The following ZNF180 variants were observed in gnomAD, a reference collection of about 807,000 sequenced individuals.
ZNF180 encodes zinc finger protein 180 (HHZ168).
Under a neutral mutation model 11.8 loss-of-function variants are expected in ZNF180, and 11 were observed. That is an observed-to-expected ratio of 0.93 (90% CI 0.59 to 1.55). ZNF180 has a LOEUF of 1.55. Among genes scored for constraint, ZNF180 ranks in the 40% most tolerant of loss-of-function variants. ZNF180 has a pLI of 0.00. For missense variants in ZNF180, 773 were observed against 781.7 expected, an observed-to-expected ratio of 0.99 and a Z score of 0.13; for synonymous variants, 287 against 257.7, an observed-to-expected ratio of 1.11 and a Z score of -1.09.
Position 44,478,062 on chromosome 19 carries a change from T to C in ZNF180, c.338A>G (p.Glu113Gly), listed in dbSNP as rs1457687224. Residue 113 changes from glutamate (E) to glycine (G), a missense_variant, in exon 5 of 5, where the codon GAA becomes GGA. By Grantham distance (98) the Glu-to-Gly change is moderately conservative (BLOSUM62 -2). Transcript: ENST00000592529. ...CCAAGGATCATCCCTTGTAAACCTT[T>C]CTATCTTCACTCCATTAGCTGGTTC... Reference protein sequence around the residue: ...DEEPANGVKIERFTRDDPWLS... With the variant: ...DEEPANGVKIGRFTRDDPWLS... The C allele has an allele frequency of 1.2e-6, 2 of 1,613,440 alleles. No homozygotes were observed. The highest frequency in any genetic ancestry group is 8.5e-7 in the Non-Finnish European group (1 of 1,179,552).
At position 44,484,230 on chromosome 19, in the gene ZNF180, C is replaced by A. The variant is rs1970160894; in HGVS notation, c.126+131G>T. 4.9e-5 allele frequency: 35 copies of A among 716,534 alleles called. No homozygotes were observed. In the South Asian group the frequency reaches 5.1e-4, roughly 10 times the overall value. 44.4% of individuals were successfully genotyped at this position (716,534 alleles called of 1,614,324 possible). A position where few individuals can be genotyped will look rare whatever the true frequency, so the allele number is the denominator to read the frequency against. On this transcript the variant is annotated intron_variant, in intron 3 of 4. Coordinates refer to ENST00000592529, the MANE Select transcript of ZNF180 (RefSeq NM_001278509.3). Reference sequence around the variant, plus strand: ...AGCCAGGATGGTCTCGATCTCCTGACCTCATGATCTGCCCGCCTCAGCCTC... The same window carrying A: ...AGCCAGGATGGTCTCGATCTCCTGAACTCATGATCTGCCCGCCTCAGCCTC...
At chr19:44,479,473 G>A in intron 3 of ZNF180, 64 bp from the exon 4 acceptor site, 12 of 1,599,632 alleles carry the variant, frequency 7.5e-6, no homozygotes, top group Non-Finnish European at 1.0e-5. Context: ...CATGGAGGAG[G>A]AAAAGTCTGA....
chr19:44,486,287 G>T (rs1970227012), intron 2 of ZNF180, among the ~76,000 whole-genome samples: 1 of 152,196 alleles, frequency 6.6e-6, no homozygotes, highest in Non-Finnish European at 1.5e-5. Context: ...GCATTAAAAG[G>T]AGTTATTCTT....
intron 2 of ZNF180, chr19:44,484,641 C>G: frequency 1.7e-6 from 1 of 583,862 alleles, no homozygotes; most frequent in Non-Finnish European, 3.1e-6. Flanking sequence ...CACCAAGGCC[C>G]ACAGATACCT....
chr19:44,488,962 G>T lies in ZNF180; in HGVS notation c.52-4527C>A, dbSNP rs577298942. Among the ~76,000 whole-genome samples, 12 of 150,510 alleles carry T rather than the reference G, an allele frequency of 8.0e-5. No homozygotes were observed. In the East Asian group the frequency reaches 2.4e-3, roughly 30 times the overall value. ...AGCCCCTCCGCCCGGCAGCCGCCCC[G>T]TCTGAGAAGTGAGGAGCCCCTCCGC... On this transcript the variant is annotated intron_variant, in intron 2 of 4. Transcript: ENST00000592529.
At chr19:44,481,866 C>T (rs1970089376) in intron 3 of ZNF180, among the ~76,000 whole-genome samples, 1 of 152,122 alleles carries the variant, frequency 6.6e-6, no homozygotes, top group African/African-American at 2.4e-5. Context: ...TACCACATAC[C>T]CATTTGAAAA....
intron 2 of ZNF180, among the ~76,000 whole-genome samples, chr19:44,488,230 CT>C (rs1970296078): frequency 9.5e-6 from 1 of 105,248 alleles, no homozygotes; most frequent in Non-Finnish European, 2.0e-5. Flanking sequence ...CCCTCTCCCT[CT>C]CCCTCTCTTT....
intron 2 of ZNF180, among the ~76,000 whole-genome samples, chr19:44,485,637 G>A (rs1464099606): frequency 1.3e-5 from 2 of 152,154 alleles, no homozygotes; most frequent in Non-Finnish European, 2.9e-5. Flanking sequence ...ATTCTTAGAA[G>A]AAGTATAAAT....
At chr19:44,499,420 C>T (rs1325608917) in intron 1 of ZNF180, among the ~76,000 whole-genome samples, 1 of 152,220 alleles carries the variant, frequency 6.6e-6, no homozygotes, top group Non-Finnish European at 1.5e-5. Flanking sequence ...TGCTTCCTCC[C>T]CAGCTACCAA....
rs1024041523 is a variant in ZNF180 at position 44,489,815 on chromosome 19, C to T, written c.52-5380G>A. Among the ~76,000 whole-genome samples, 5 of 78,478 alleles carry T rather than the reference C, an allele frequency of 6.4e-5. 1 individual carries two copies. In the Admixed American group the frequency reaches 6.7e-4, roughly 10 times the overall value. 51.5% of individuals were successfully genotyped at this position (78,478 alleles called of 152,430 possible). On this transcript the variant is annotated intron_variant, in intron 2 of 4. Transcript: ENST00000592529. ...AAATAAATAAATAAATAAACTTGAC[C>T]GAAAGAAAAGAAAGAAAAGAAGAGA...
intron 3 of ZNF180, among the ~76,000 whole-genome samples, chr19:44,481,847 C>G (rs1462741725): frequency 6.6e-6 from 1 of 152,184 alleles, no homozygotes; most frequent in Non-Finnish European, 1.5e-5. Flanking sequence ...ACCTGAATCT[C>G]ACAAGCTGTA....
chr19:44,499,062 T>C (rs1970664720), intron 1 of ZNF180, among the ~76,000 whole-genome samples: 1 of 152,196 alleles, frequency 6.6e-6, no homozygotes, highest in Non-Finnish European at 1.5e-5. Flanking sequence ...CCACAGCCTC[T>C]GTGTAGGTTC....
At position 44,488,162 on chromosome 19, in the gene ZNF180, CACGGTCTCCCTCTCCT is replaced by C. The variant is rs1970289620; in HGVS notation, c.52-3743_52-3728del. ...CACGGTCTCCCTCTCCCTCTCTTTC[CACGGTCTCCCTCTCCT>C]TCTCTTTCCACGGTCTCCCTCTCCC... On this transcript the variant is annotated intron_variant, in intron 2 of 4. Transcript: ENST00000592529. 1.0e-3 allele frequency among the ~76,000 whole-genome samples: 96 copies of C among 91,976 alleles called. 1 individual carries two copies. Among genetic ancestry groups the C allele is most frequent in the African/African-American group, 3.6e-3 (79 of 21,694 alleles). 60.3% of individuals were successfully genotyped at this position (91,976 alleles called of 152,430 possible).
rs143201368 is a variant in ZNF180 at position 44,494,094 on chromosome 19, T to C, written c.51+3190A>G. On this transcript the variant is annotated intron_variant, in intron 2 of 4. Transcript: ENST00000592529. ...GATAACTAATACAACAAACAGGATG[T>C]TTTTGCTTTCCCTATGTAGCCTTGG... Among the ~76,000 whole-genome samples the C allele has an allele frequency of 4.0e-3, 611 of 152,284 alleles. 6 individuals are homozygous for C. Among genetic ancestry groups the C allele is most frequent in the African/African-American group, 0.014 (584 of 41,564 alleles).
intron 2 of ZNF180, among the ~76,000 whole-genome samples, chr19:44,496,861 T>C (rs1970601792): frequency 6.6e-6 from 1 of 152,180 alleles, no homozygotes; most frequent in African/African-American, 2.4e-5. Flanking sequence ...GCAATTTACT[T>C]AACATAGGTA....
In ZNF180 at chr19:44,476,282, G is replaced by A; in HGVS notation, c.*120C>T. 1 of 967,592 alleles carries A rather than the reference G, an allele frequency of 1.0e-6. No homozygotes were observed. The allele number at this position is 967,592 out of a possible 1,614,324, so 59.9% of individuals were successfully genotyped here. A position where few individuals can be genotyped will look rare whatever the true frequency, so the allele number is the denominator to read the frequency against. ...ATTTGAGACACACAATTAACAGAGG[G>A]CTGGAAGTTTTCCCACATATATTGT... is the stretch of plus-strand genomic sequence containing the variant. On this transcript the variant is annotated 3_prime_UTR_variant, in exon 5 of 5. Coordinates refer to ENST00000592529, the MANE Select transcript of ZNF180 (RefSeq NM_001278509.3).
At position 44,500,470 on chromosome 19, in the gene ZNF180, C is replaced by G; in HGVS notation, c.-239G>C. 1.8e-6 allele frequency: 1 copy of G among 561,788 alleles called. No homozygotes were observed. Among genetic ancestry groups the G allele is most frequent in the Non-Finnish European group, 3.2e-6 (1 of 317,058 alleles). The allele number at this position is 561,788 out of a possible 1,614,324, so 34.8% of individuals were successfully genotyped here. Reference sequence around the variant, plus strand: ...CCGCTGGGGGTTAAGTCTGAAGGGCCGAGCTGCTCGGCGACAGCAAGCGTC... The same window carrying G: ...CCGCTGGGGGTTAAGTCTGAAGGGCGGAGCTGCTCGGCGACAGCAAGCGTC... On this transcript the variant is annotated 5_prime_UTR_variant, in exon 1 of 5. Transcript: ENST00000592529.
chr19:44,482,016 A>T (rs1426205273), intron 3 of ZNF180, among the ~76,000 whole-genome samples: 2 of 152,194 alleles, frequency 1.3e-5, no homozygotes, highest in East Asian at 3.9e-4. Context: ...TTTTGTAACA[A>T]TAAAATAGGA....
chr19:44,478,026 C>T lies in ZNF180; in HGVS notation c.374G>A (p.Cys125Tyr). Reference sequence around the variant, plus strand: ...GTCTTTACAATCATCCACTTCTTCACATGAAGATAACCAAGGATCATCCCT... The same window carrying T: ...GTCTTTACAATCATCCACTTCTTCATATGAAGATAACCAAGGATCATCCCT... The part of the protein sequence containing the change: ...FTRDDPWLSS[C>Y]EEVDDCKDQL... The change falls in exon 5 of 5, where the codon TGT becomes TAT. Residue 125 changes from cysteine to tyrosine, a missense_variant. Cys to Tyr is a radical substitution (Grantham distance 194). Coordinates refer to ENST00000592529, the MANE Select transcript of ZNF180 (RefSeq NM_001278509.3). 6.2e-7 allele frequency: 1 copy of T among 1,614,088 alleles called. No individual in the cohort carries two copies. Among genetic ancestry groups the T allele is most frequent in the Non-Finnish European group, 8.5e-7 (1 of 1,179,974 alleles).
Sources: gnomAD v4.1 joint callset for allele counts (sites outside exome capture counted in the v4.1 genomes callset) on GRCh38, gnomAD v4.1.1 for gene constraint, MANE v1.5 for transcripts, NCBI Gene and HGNC (gene_info 2026-07-23, HGNC 2026-07-21) for gene names.